Variants in FBXL17 observed in about 807,000 individuals in gnomAD.
FBXL17 encodes the protein F-box/LRR-repeat protein 17.
A neutral mutation model predicts 66.2 loss-of-function variants in FBXL17; 22 were observed. The observed-to-expected ratio is 0.33, with a 90% CI of 0.24 to 0.47. The LOEUF is 0.47. Among genes scored for constraint, FBXL17 ranks in the 20% least tolerant of loss-of-function variants. The pLI is 1.00. For missense variants in FBXL17, 878 were observed against 948.2 expected, an observed-to-expected ratio of 0.93 and a Z score of 0.97; for synonymous variants, 474 against 400.5, an observed-to-expected ratio of 1.18 and a Z score of -2.19.
At chr5:108,075,102 G>A (rs931088208) in intron 6 of FBXL17, among the ~76,000 whole-genome samples, 2 of 152,136 alleles carry the variant, frequency 1.3e-5, no homozygotes, top group South Asian at 4.2e-4. Context: ...AGCTGTGCAT[G>A]TTTTTCACAT....
chr5:107,880,965 G>C, intron 8 of FBXL17, 72 bp downstream of exon 8: 1 of 1,612,208 alleles, frequency 6.2e-7, no homozygotes, highest in Non-Finnish European at 8.5e-7. Flanking sequence ...TAGAGAAGGA[G>C]AGAGGATATG....
At chr5:108,345,270 G>A (rs1359705867) in intron 4 of FBXL17, among the ~76,000 whole-genome samples, 1 of 151,710 alleles carries the variant, frequency 6.6e-6, no homozygotes, top group Non-Finnish European at 1.5e-5. Context: ...CTGGGAAGAG[G>A]AAGTTGCAGT....
At chr5:108,298,263 C>T in intron 4 of FBXL17, 3 of 984,726 alleles carry the variant, frequency 3.0e-6, no homozygotes, top group Non-Finnish European at 3.6e-6. Flanking sequence ...CTACTTCTTA[C>T]TACTATGTGA....
At chr5:108,279,853 C>G (rs1757633176) in intron 4 of FBXL17, among the ~76,000 whole-genome samples, 1 of 151,396 alleles carries the variant, frequency 6.6e-6, no homozygotes, top group Non-Finnish European at 1.5e-5. Context: ...TAAAAAAAGA[C>G]TAGTCCAAAC....
intron 7 of FBXL17, among the ~76,000 whole-genome samples, chr5:108,002,937 G>T (rs1360782444): frequency 6.6e-6 from 1 of 152,132 alleles, no homozygotes; most frequent in East Asian, 1.9e-4. Context: ...CAGAGAAGAG[G>T]ATCTTAATGG....
At position 108,348,474 on chromosome 5, in the gene FBXL17, G is replaced by T. The variant is rs1747422625; in HGVS notation, c.1431C>A (p.Ile477=). Residue 477 remains isoleucine (I), a synonymous_variant, in exon 4 of 9, where the codon ATC becomes ATA. Transcript: ENST00000542267. ...CTATGACGATCATGCCTTCATCTGAGATCTTGTAACACTGGCCGAAATGAA... is the reference window on the plus strand; with the variant it reads ...CTATGACGATCATGCCTTCATCTGATATCTTGTAACACTGGCCGAAATGAA... ...KDIHFGQCYK[I]SDEGMIVIAK... The T allele has an allele frequency of 6.2e-7, 1 of 1,613,628 alleles. No individual in the cohort carries two copies. The highest frequency in any genetic ancestry group is 8.5e-7 in the Non-Finnish European group (1 of 1,179,680).
chr5:107,978,890 G>C (rs763117019), intron 7 of FBXL17, among the ~76,000 whole-genome samples: 3 of 152,128 alleles, frequency 2.0e-5, no homozygotes, highest in Non-Finnish European at 4.4e-5. Context: ...TGTTTGTGCA[G>C]GGGGCAGGAA....
intron 6 of FBXL17, among the ~76,000 whole-genome samples, chr5:108,062,466 T>C (rs1018304201): frequency 2.6e-5 from 4 of 152,078 alleles, no homozygotes; most frequent in Admixed American, 2.0e-4. Flanking sequence ...ACAACTATTA[T>C]AGTTGACTAT....
At chr5:108,056,364 G>C (rs1051772704) in intron 6 of FBXL17, among the ~76,000 whole-genome samples, 2 of 152,164 alleles carry the variant, frequency 1.3e-5, no homozygotes, top group Non-Finnish European at 2.9e-5. Flanking sequence ...AACTACAAAA[G>C]CTTGTGTTTC....
intron 6 of FBXL17, among the ~76,000 whole-genome samples, chr5:108,055,973 T>C (rs1442742713): frequency 6.6e-6 from 1 of 152,218 alleles, no homozygotes; most frequent in African/African-American, 2.4e-5. Context: ...AAGACCTACA[T>C]GGAATCACAT....
At chr5:108,323,883 T>C (rs745330603) in intron 4 of FBXL17, among the ~76,000 whole-genome samples, 1 of 151,994 alleles carries the variant, frequency 6.6e-6, no homozygotes, top group African/African-American at 2.4e-5. Flanking sequence ...GATATCTACA[T>C]GCAAATGAAT....
chr5:107,925,262 C>T (rs184234856), intron 7 of FBXL17, among the ~76,000 whole-genome samples: 2 of 152,184 alleles, frequency 1.3e-5, no homozygotes, highest in African/African-American at 4.8e-5. Context: ...GTTTTCATCT[C>T]TATTCTAAAA....
At chr5:108,151,046 G>A (rs572146886) in intron 6 of FBXL17, among the ~76,000 whole-genome samples, 27 of 152,216 alleles carry the variant, frequency 1.8e-4, no homozygotes, top group Non-Finnish European at 3.7e-4. Context: ...GCTTACTTAA[G>A]TAATGGAACC....
chr5:108,238,440 T>C (rs995771492), intron 4 of FBXL17, among the ~76,000 whole-genome samples: 4 of 152,234 alleles, frequency 2.6e-5, no homozygotes, highest in Non-Finnish European at 4.4e-5. Context: ...ATGTTAAACA[T>C]CTATTTCAAG....
chr5:107,922,029 G>A (rs1750340447), intron 7 of FBXL17, among the ~76,000 whole-genome samples: 2 of 152,284 alleles, frequency 1.3e-5, no homozygotes, highest in South Asian at 2.1e-4. Context: ...AGTACTAAGC[G>A]ATGTTGGGAA....
chr5:108,347,470 T>C (rs1747358391), intron 4 of FBXL17, among the ~76,000 whole-genome samples: 1 of 152,162 alleles, frequency 6.6e-6, no homozygotes, highest in African/African-American at 2.4e-5. Flanking sequence ...ACCTATCATA[T>C]AAAAACATAA....
chr5:107,914,519 G>T (rs1377099253), intron 7 of FBXL17, among the ~76,000 whole-genome samples: 1 of 152,158 alleles, frequency 6.6e-6, no homozygotes, highest in Non-Finnish European at 1.5e-5. Flanking sequence ...ATTCTTAACT[G>T]TACTTAGGTG....
chr5:108,124,233 T>C (rs1428527623), intron 6 of FBXL17, among the ~76,000 whole-genome samples: 1 of 152,092 alleles, frequency 6.6e-6, no homozygotes, highest in East Asian at 1.9e-4. Flanking sequence ...AAGGCATTTA[T>C]ATTCCTGAAA....
chr5:108,298,874 T>A, intron 4 of FBXL17: 1 of 928,782 alleles, frequency 1.1e-6, no homozygotes, highest in Non-Finnish European at 1.3e-6. Flanking sequence ...TTCTTGCAGT[T>A]TTTAAAATGA....
Sources: gnomAD v4.1 joint callset for allele counts (sites outside exome capture counted in the v4.1 genomes callset) on GRCh38, gnomAD v4.1.1 for gene constraint, MANE v1.5 for transcripts, NCBI Gene and HGNC (gene_info 2026-07-23, HGNC 2026-07-21) for gene names.